Variants in FBN1 observed in about 807,000 individuals in gnomAD.
FBN1 encodes fibrillin-1.
In FBN1, 29 loss-of-function variants were observed where a neutral mutation model predicts 365.1. The observed-to-expected ratio is 0.08, with a 90% CI of 0.06 to 0.11. The LOEUF is 0.11. FBN1 is among the 10% of genes least tolerant of loss of function. The pLI, the probability that FBN1 is intolerant of heterozygous loss-of-function variation, is 1.00. For synonymous variants in FBN1, 1,210 were observed against 1,270.5 expected (o/e 0.95, Z 1.01); for missense variants, 2,476 against 3,703.2 (o/e 0.67, Z 8.60).
Position 48,498,999 on chromosome 15 carries a change from G to A in FBN1, c.2153C>T (p.Thr718Met), listed in dbSNP as rs777526851. Reference sequence around the variant, plus strand: ...GGAATCCTTACCACTGCCTGCTGACGTCATTCCTGGCCCACTGCTGCAGAG... The same window carrying A: ...GGAATCCTTACCACTGCCTGCTGACATCATTCCTGGCCCACTGCTGCAGAG... ...QALCSSGPGM[T>M]SAGSDINECA... Residue 718 changes from threonine to methionine, a missense_variant, in exon 18 of 66, where the codon ACG becomes ATG. Physicochemically the swap from Thr to Met is moderately conservative, Grantham distance 81. This residue lies in a region of FBN1 where 1,780 missense variants were observed against 2,840.8 expected (regional missense o/e 0.63). Coordinates refer to ENST00000316623, the MANE Select transcript of FBN1 (RefSeq NM_000138.5). The A allele has an allele frequency of 5.6e-6, 9 of 1,614,046 alleles. No individual in the cohort carries two copies. Among genetic ancestry groups the A allele is most frequent in the South Asian group, 1.1e-5 (1 of 91,086 alleles).
At chr15:48,428,175 G>A (rs2042995135) in intron 57 of FBN1, 171 bp downstream of exon 57, 3 of 804,388 alleles carry the variant, frequency 3.7e-6, no homozygotes, top group East Asian at 5.3e-5. Context: ...GCTGCAGGGT[G>A]GTGCTGAGCC....
At chr15:48,605,675 C>T (rs1190678925) in intron 4 of FBN1, among the ~76,000 whole-genome samples, 2 of 152,110 alleles carry the variant, frequency 1.3e-5, no homozygotes, top group Non-Finnish European at 2.9e-5. Flanking sequence ...GAGTTCAAGA[C>T]CAGCCTGGGC....
At chr15:48,531,378 G>A (rs979255790) in intron 8 of FBN1, among the ~76,000 whole-genome samples, 3 of 152,112 alleles carry the variant, frequency 2.0e-5, no homozygotes, top group African/African-American at 4.8e-5. Context: ...ATCTGAGAGC[G>A]TGAGGGTTAG....
Position 48,451,812 on chromosome 15 carries a change from T to C in FBN1, c.5545+750A>G, listed in dbSNP as rs370160171. Among the ~76,000 whole-genome samples, 181 of 152,362 alleles carry C rather than the reference T, an allele frequency of 1.2e-3. 1 individual carries two copies. The highest frequency in any genetic ancestry group is 4.0e-3 in the African/African-American group (168 of 41,588). On this transcript the variant is annotated intron_variant, in intron 45 of 65. Coordinates refer to ENST00000316623, the MANE Select transcript of FBN1 (RefSeq NM_000138.5). ...TCATTCTGAGATATTATTTTGTTTC[T>C]GGGCTGAAACAGCAGTCTTTTAAAT... is the stretch of plus-strand genomic sequence containing the variant.
At chr15:48,532,696 A>G (rs1381859134) in intron 8 of FBN1, among the ~76,000 whole-genome samples, 2 of 152,136 alleles carry the variant, frequency 1.3e-5, no homozygotes, top group Non-Finnish European at 2.9e-5. Flanking sequence ...CTTAATATAT[A>G]ATGTAGAGTG....
At chr15:48,590,178 C>T (rs1247275701) in intron 6 of FBN1, among the ~76,000 whole-genome samples, 1 of 152,112 alleles carries the variant, frequency 6.6e-6, no homozygotes, top group African/African-American at 2.4e-5. Flanking sequence ...CTTACTTCTA[C>T]ATAGAGAAAA....
At chr15:48,603,370 C>CTT (rs66986842) in intron 4 of FBN1, among the ~76,000 whole-genome samples, 71,212 of 151,948 alleles carry the variant, frequency 0.47, 20,793 homozygotes, top group African/African-American at 0.84. Context: ...CCATGGGAAA[C>CTT]TGTATTCGTT....
intron 8 of FBN1, among the ~76,000 whole-genome samples, chr15:48,531,971 T>C (rs1294877904): frequency 1.3e-5 from 2 of 152,248 alleles, no homozygotes; most frequent in Non-Finnish European, 2.9e-5. Context: ...ATCTTGCTGC[T>C]GACTTTCACA....
At chr15:48,435,772 A>ATATCTGTATATATGTGTG (rs1555395092) in intron 53 of FBN1, among the ~76,000 whole-genome samples, 1 of 106,348 alleles carries the variant, frequency 9.4e-6, no homozygotes, top group African/African-American at 4.3e-5. Flanking sequence ...ATATGTGTAT[A>ATATCTGTATATATGTGTG]TGTGTGTGTG....
intron 44 of FBN1, among the ~76,000 whole-genome samples, chr15:48,453,462 A>G (rs1408912569): frequency 6.6e-6 from 1 of 152,152 alleles, no homozygotes; most frequent in Non-Finnish European, 1.5e-5. Context: ...CTCTGGAGAC[A>G]GTAAAAAATC....
At chr15:48,601,154 C>A (rs1312247168) in intron 4 of FBN1, among the ~76,000 whole-genome samples, 1 of 152,162 alleles carries the variant, frequency 6.6e-6, no homozygotes, top group Admixed American at 6.5e-5. Flanking sequence ...GTAGAAAGAC[C>A]ATGGGCTGAC....
At chr15:48,428,253 G>T in intron 57 of FBN1, 93 bp downstream of exon 57, 1 of 1,492,626 alleles carries the variant, frequency 6.7e-7, no homozygotes, top group South Asian at 1.2e-5. Context: ...CTCAGATTTT[G>T]ACATTTTCTT....
At chr15:48,568,864 T>C (rs891869929) in intron 6 of FBN1, among the ~76,000 whole-genome samples, 4 of 151,980 alleles carry the variant, frequency 2.6e-5, no homozygotes, top group Non-Finnish European at 5.9e-5. Flanking sequence ...CAGACTTAAA[T>C]ATAAGAGCTA....
At chr15:48,601,134 G>A (rs1436736564) in intron 4 of FBN1, among the ~76,000 whole-genome samples, 1 of 152,070 alleles carries the variant, frequency 6.6e-6, no homozygotes, top group East Asian at 1.9e-4. Context: ...TGTTCATTTC[G>A]GGGCCCAGGG....
intron 50 of FBN1, among the ~76,000 whole-genome samples, chr15:48,438,257 G>A (rs1263362176): frequency 6.6e-6 from 1 of 152,122 alleles, no homozygotes; most frequent in Non-Finnish European, 1.5e-5. Context: ...GTCCACAGAA[G>A]GAATCATTCA....
rs1555394451 is a variant in FBN1, at chr15:48,425,882, T to C, written c.7205-18A>G. On this transcript the variant is annotated intron_variant, in intron 58 of 65. Transcript: ENST00000316623. ...ATCGATATCTGTAATTTAACAAATA[T>C]AAATTAAGAAATATATCATAAAATT... 1 of 1,585,658 alleles carries C rather than the reference T, an allele frequency of 6.3e-7. No homozygotes were observed. Among genetic ancestry groups the C allele is most frequent in the Non-Finnish European group, 8.7e-7 (1 of 1,155,212 alleles).
In FBN1 at chr15:48,468,107, T is replaced by G. The variant is rs778966916; in HGVS notation, c.4583-5A>C. ...AGCAATTTCCAGAGCGGGTATCTAT[T>G]TACCATATACAAACACAAAAGCATC... On this transcript the variant is annotated splice_polypyrimidine_tract_variant and splice_region_variant and intron_variant, in intron 37 of 65. Coordinates refer to ENST00000316623, the MANE Select transcript of FBN1 (RefSeq NM_000138.5). 13 of 1,613,906 alleles carry G rather than the reference T, an allele frequency of 8.1e-6. No individual in the cohort carries two copies. The highest frequency in any genetic ancestry group is 1.0e-5 in the Non-Finnish European group (12 of 1,180,010).
chr15:48,470,787 T>G (rs750516116), intron 35 of FBN1, 31 bp from the exon 36 acceptor site: 92 of 1,607,308 alleles, frequency 5.7e-5, no homozygotes, highest in Middle Eastern at 1.6e-4. Flanking sequence ...AGCAAAAAAC[T>G]TAACTTATAT....
chr15:48,617,315 C>T (rs1597635861), intron 2 of FBN1, among the ~76,000 whole-genome samples: 1 of 152,062 alleles, frequency 6.6e-6, no homozygotes, highest in Admixed American at 6.6e-5. Flanking sequence ...GCTGGGGCTA[C>T]AGGCACACAC....
Sources: gnomAD v4.1 joint callset for allele counts (sites outside exome capture counted in the v4.1 genomes callset) on GRCh38, gnomAD v4.1.1 for gene constraint, gnomAD v4.1.1 regional missense constraint, MANE v1.5 for transcripts, NCBI Gene and HGNC (gene_info 2026-07-23, HGNC 2026-07-21) for gene names.